Variants in NCKAP1 observed in about 807,000 individuals in gnomAD.
NCKAP1 encodes the protein NCK associated protein 1, also known as nck-associated protein 1.
Under a neutral mutation model 151.2 loss-of-function variants are expected in NCKAP1, and 21 were observed. The observed-to-expected ratio is 0.14, with a 90% CI of 0.10 to 0.20. The LOEUF is 0.20. Among genes scored for constraint, NCKAP1 ranks in the 10% least tolerant of loss-of-function variants. The pLI is 1.00. For missense variants in NCKAP1, 933 were observed against 1,352.1 expected, an observed-to-expected ratio of 0.69 and a Z score of 4.86; for synonymous variants, 484 against 451.8, an observed-to-expected ratio of 1.07 and a Z score of -0.90.
chr2:182,989,109 T>C lies in NCKAP1; in HGVS notation c.868A>G (p.Ser290Gly). 6.2e-7 allele frequency: 1 copy of C among 1,613,658 alleles called. No individual in the cohort carries two copies. Among genetic ancestry groups the C allele is most frequent in the South Asian group, 1.1e-5 (1 of 91,064 alleles). The change falls in exon 9 of 31, where the codon AGC (serine) becomes GGC (glycine). Residue 290 changes from serine to glycine, a missense_variant. By Grantham distance (56) the Ser-to-Gly change is moderately conservative. This residue lies in a region of NCKAP1 where 607 missense variants were observed against 795.0 expected (regional missense o/e 0.76). Coordinates refer to ENST00000361354, the MANE Select transcript of NCKAP1 (RefSeq NM_013436.5). ...TCCCGAAAGAGAGAGAGGCAAGAGC[T>C]ACTTTGAAGAGCTAGTTTCCAAAGG... ...LNLWKLALQS[S>G]SCLSLFRDEV...
chr2:182,933,759 GT>G (rs1446112187), intron 26 of NCKAP1, among the ~76,000 whole-genome samples: 2 of 152,042 alleles, frequency 1.3e-5, no homozygotes, highest in Non-Finnish European at 2.9e-5. Context: ...ATACAAAGGA[GT>G]TTAGACACTA....
intron 24 of NCKAP1, among the ~76,000 whole-genome samples, chr2:182,941,835 T>C (rs897533103): frequency 2.6e-5 from 4 of 152,196 alleles, no homozygotes; most frequent in Admixed American, 6.5e-5. Flanking sequence ...GTAATATTCA[T>C]GAACTAGCGA....
At chr2:183,031,707 C>A (rs894537124) in intron 1 of NCKAP1, among the ~76,000 whole-genome samples, 1 of 152,172 alleles carries the variant, frequency 6.6e-6, no homozygotes, top group African/African-American at 2.4e-5. Flanking sequence ...CCTATGGATT[C>A]ACTCATTTAA....
At chr2:182,993,039 T>C (rs1698199463) in intron 8 of NCKAP1, among the ~76,000 whole-genome samples, 1 of 152,110 alleles carries the variant, frequency 6.6e-6, no homozygotes, top group Non-Finnish European at 1.5e-5. Flanking sequence ...TAATAAAAAG[T>C]CAACAAATAC....
In NCKAP1 at chr2:182,924,662, T is replaced by G. The variant is rs1273925004; in HGVS notation, c.*1040A>C. On this transcript the variant is annotated 3_prime_UTR_variant, in exon 31 of 31. Transcript: ENST00000361354. ...CAGCATACAAGTTTTCTTTAAGTTC[T>G]TAATTTTTAAGAAGTATTGTGTAAT... 1.3e-5 allele frequency: 2 copies of G among 152,200 alleles called. No homozygotes were observed. The highest frequency in any genetic ancestry group is 3.8e-4 in the East Asian group (2 of 5,206). The allele number at this position is 152,200 out of a possible 1,614,324, so 9.4% of individuals were successfully genotyped here.
At chr2:182,964,911 T>TA in intron 16 of NCKAP1, 103 bp from the exon 17 acceptor site, 1 of 801,970 alleles carries the variant, frequency 1.2e-6, no homozygotes, top group East Asian at 2.9e-5. Context: ...TGATAACTGG[T>TA]AGCACTGATT....
chr2:183,032,000 T>C (rs1699012993), intron 1 of NCKAP1, among the ~76,000 whole-genome samples: 7 of 152,150 alleles, frequency 4.6e-5, no homozygotes, highest in Admixed American at 4.6e-4. Flanking sequence ...AAATTACAGG[T>C]ATTTAAGAAT....
intron 12 of NCKAP1, among the ~76,000 whole-genome samples, chr2:182,981,908 C>CAAA (rs77694869): frequency 1.7e-4 from 9 of 51,706 alleles, no homozygotes; most frequent in Admixed American, 2.2e-4. Context: ...AACTCCGTCT[C>CAAA]AAAAAAAAAA....
At chr2:183,013,393 A>G (rs1486610772) in intron 2 of NCKAP1, among the ~76,000 whole-genome samples, 1 of 152,024 alleles carries the variant, frequency 6.6e-6, no homozygotes, top group Non-Finnish European at 1.5e-5. Context: ...CTCTCACCCC[A>G]TTATATCTTG....
chr2:182,985,460 TA>T (rs1698035077), intron 10 of NCKAP1, among the ~76,000 whole-genome samples: 1 of 151,612 alleles, frequency 6.6e-6, no homozygotes, highest in African/African-American at 2.4e-5. Flanking sequence ...AGGATATCTA[TA>T]TATTTACTAA....
chr2:182,983,087 TGAGAGAGAGCATGCATATAAG>T (rs1478520027), intron 11 of NCKAP1, among the ~76,000 whole-genome samples, 160 bp from the exon 12 acceptor site: 5 of 152,126 alleles, frequency 3.3e-5, no homozygotes, highest in Non-Finnish European at 7.4e-5. Context: ...TAAGTATGTA[TGAGAGAGAGCATGCATATAAG>T]GGAGAAGAAT....
At chr2:182,993,731 G>T (rs1267482256) in intron 8 of NCKAP1, among the ~76,000 whole-genome samples, 3 of 148,318 alleles carry the variant, frequency 2.0e-5, no homozygotes, top group African/African-American at 7.8e-5. Context: ...TTGAAGGTTG[G>T]GATAAAAAAA....
intron 2 of NCKAP1, among the ~76,000 whole-genome samples, chr2:183,015,220 G>A (rs1698660994): frequency 6.6e-6 from 1 of 152,106 alleles, no homozygotes; most frequent in Non-Finnish European, 1.5e-5. Flanking sequence ...GGATAAGAAA[G>A]GAGATGTTTT....
At chr2:182,995,570 G>T in intron 7 of NCKAP1, 131 bp downstream of exon 7, 1 of 821,034 alleles carries the variant, frequency 1.2e-6, no homozygotes, top group Non-Finnish European at 1.8e-6. Context: ...GACTTAAGTA[G>T]TGAACATTTT....
intron 23 of NCKAP1, 138 bp downstream of exon 23, chr2:182,952,267 G>T: frequency 1.8e-6 from 1 of 552,552 alleles, no homozygotes; most frequent in Non-Finnish European, 3.1e-6. Flanking sequence ...GGCCTTGCTA[G>T]CTATTTAATT....
In NCKAP1 at chr2:182,912,985, G is replaced by T. The variant is rs945637357; in HGVS notation, c.*12717C>A. The T allele has an allele frequency of 2.0e-5, 3 of 152,188 alleles. No individual in the cohort carries two copies. Among genetic ancestry groups the T allele is most frequent in the African/African-American group, 7.2e-5 (3 of 41,446 alleles). The allele number at this position is 152,188 out of a possible 1,614,324, so 9.4% of individuals were successfully genotyped here. On this transcript the variant is annotated 3_prime_UTR_variant, in exon 31 of 31. Transcript: ENST00000361354. The stretch of plus-strand genomic sequence containing the variant: ...TGCATTCACCTATCCATTGGCCATG[G>T]TTACTATCATTGAAACTTTCACTTG...
intron 8 of NCKAP1, among the ~76,000 whole-genome samples, chr2:182,989,989 CA>C (rs1395915429): frequency 1.3e-5 from 2 of 149,760 alleles, no homozygotes; most frequent in African/African-American, 4.9e-5. Context: ...GACTCTGTCT[CA>C]AAAAATATAT....
At position 182,994,588 on chromosome 2, in the gene NCKAP1, G is replaced by A. The variant is rs149834448; in HGVS notation, c.790+251C>T. On this transcript the variant is annotated intron_variant, in intron 8 of 30. Coordinates refer to ENST00000361354, the MANE Select transcript of NCKAP1 (RefSeq NM_013436.5). Reference sequence around the variant, plus strand: ...CAGGAGGCGGAGGTTGCAGTGAGCCGAGATTGTGCCACTGCACTCCACCCT... The same window carrying A: ...CAGGAGGCGGAGGTTGCAGTGAGCCAAGATTGTGCCACTGCACTCCACCCT... Among the ~76,000 whole-genome samples, 231 of 151,610 alleles carry A rather than the reference G, an allele frequency of 1.5e-3. 4 individuals carry two copies. The East Asian group carries it at 0.035, about 23-fold the overall frequency.
chr2:182,980,085 G>C (rs1348992614), intron 13 of NCKAP1, among the ~76,000 whole-genome samples: 1 of 152,016 alleles, frequency 6.6e-6, no homozygotes, highest in African/African-American at 2.4e-5. Context: ...TAAACTGTAT[G>C]CTAGTATGAA....
Sources: gnomAD v4.1 joint callset for allele counts (sites outside exome capture counted in the v4.1 genomes callset) on GRCh38, gnomAD v4.1.1 for gene constraint, gnomAD v4.1.1 regional missense constraint, MANE v1.5 for transcripts, NCBI Gene and HGNC (gene_info 2026-07-23, HGNC 2026-07-21) for gene names.